MYL7: variants seen among roughly 807,000 people sequenced by gnomAD.
MYL7 encodes myosin light chain 7.
In MYL7, 27 loss-of-function variants were observed where a neutral mutation model predicts 22.5. The ratio of observed to expected loss-of-function variants is 1.20; its 90% CI spans 0.89 to 1.66. The LOEUF (loss-of-function observed/expected upper bound fraction) is 1.66, where lower values mean the gene tolerates loss of function less well. Ranked by LOEUF, MYL7 falls within the 40% of genes most tolerant of loss-of-function variation. The pLI is 0.00. For missense variants in MYL7, 209 were observed against 226.8 expected, an observed-to-expected ratio of 0.92 and a Z score of 0.50; for synonymous variants, 81 against 84.4, an observed-to-expected ratio of 0.96 and a Z score of 0.22.
chr7:44,139,397 T>G, intron 6 of MYL7, 124 bp downstream of exon 6: 1 of 1,079,710 alleles, frequency 9.3e-7, no homozygotes, highest in Non-Finnish European at 1.4e-6. Context: ...AGATGGCACC[T>G]CCTCCAGAAG....
chr7:44,141,060 C>T lies in MYL7; in HGVS notation c.18G>A (p.Ala6=), dbSNP rs200585522. MASRK[A]GTRGKVAATK... ...TGGCTGCCACCTTGCCCCGGGTCCC[C>T]GCCTTCCTGCTGGCCTGCAACACTG... The change falls in exon 2 of 7, where the codon GCG becomes GCA. Residue 6 remains alanine (A), a synonymous_variant. Transcript: ENST00000223364. 339 of 1,613,848 alleles carry T rather than the reference C, an allele frequency of 2.1e-4. No individual in the cohort carries two copies. The highest frequency in any genetic ancestry group is 8.8e-5 in the South Asian group (8 of 91,088).
In MYL7 at chr7:44,139,787, C is replaced by T. The variant is rs1355757497; in HGVS notation, c.372G>A (p.Lys124=). 1.2e-6 allele frequency: 2 copies of T among 1,612,778 alleles called. No individual in the cohort carries two copies. The highest frequency in any genetic ancestry group is 1.7e-5 in the Admixed American group (1 of 59,644). ...FDPSGKGVVN[K]DEFKQLLLTQ... is the part of the protein sequence containing the mutation. ...CTGGCTGGGCCCATACTTACTCATC[C>T]TTGTTCACCACCCCTTTGCCGCTGG... The change falls in exon 5 of 7, where the codon AAG becomes AAA. Residue 124 remains lysine (K), a synonymous_variant. Transcript: ENST00000223364.
intron 2 of MYL7, 58 bp downstream of exon 2, chr7:44,140,903 G>A: frequency 1.3e-6 from 2 of 1,542,852 alleles, no homozygotes; most frequent in South Asian, 1.1e-5. Flanking sequence ...GGGTATGTAT[G>A]TGGGGTGGGG....
Position 44,140,406 on chromosome 7 carries a change from T to C in MYL7, c.215A>G (p.Glu72Gly), listed in dbSNP as rs775697077. 1.4e-5 allele frequency: 23 copies of C among 1,613,576 alleles called. No homozygotes were observed. ...CTCTTGCAGCATGGCGTCCAGCTCC[T>C]CCTCTGGGACACTCACCTTCCCTGG... ...SQLGKVSVPE[E>G]ELDAMLQEGK... Residue 72 changes from glutamate to glycine, a missense_variant, in exon 4 of 7, where the codon GAG becomes GGG. Glu to Gly is a moderately conservative substitution (Grantham distance 98, BLOSUM62 -2). Coordinates refer to ENST00000223364, the MANE Select transcript of MYL7 (RefSeq NM_021223.3).
At chr7:44,139,889 TC>T in intron 4 of MYL7, 29 bp from the exon 5 acceptor site, 2 of 1,579,116 alleles carry the variant, frequency 1.3e-6, no homozygotes, top group Non-Finnish European at 1.7e-6. Flanking sequence ...CAGGTGAGCA[TC>T]CATGTCTCCA....
chr7:44,139,549 G>A lies in MYL7; in HGVS notation c.398C>T (p.Thr133Ile), dbSNP rs760067597. The change falls in exon 6 of 7, where the codon ACC (threonine) becomes ATC (isoleucine). Residue 133 changes from threonine (T) to isoleucine (I), a missense_variant. Transcript: ENST00000223364. ...NKDEFKQLLL[T>I]QADKFSPAEV... is the part of the protein sequence containing the mutation. The stretch of plus-strand genomic sequence containing the variant: ...AGCTGGAGAGAACTTGTCTGCCTGG[G>A]TCAGGAGAAGCTGCTTGAACCTGGG... The A allele has an allele frequency of 2.5e-6, 4 of 1,611,000 alleles. No individual in the cohort carries two copies. Among genetic ancestry groups the A allele is most frequent in the Non-Finnish European group, 3.4e-6 (4 of 1,178,478 alleles).
At chr7:44,140,577 G>T in intron 3 of MYL7, 135 bp downstream of exon 3, 1 of 1,147,284 alleles carries the variant, frequency 8.7e-7, no homozygotes, top group Non-Finnish European at 1.2e-6. Context: ...GCGTGACAAG[G>T]GGGGAAGGGC....
rs201572348 is a variant in MYL7 at position 44,141,327 on chromosome 7, G to A, written c.-22C>T. 1.2e-6 allele frequency: 2 copies of A among 1,610,872 alleles called. No homozygotes were observed. Among genetic ancestry groups the A allele is most frequent in the East Asian group, 2.2e-5 (1 of 44,872 alleles). The stretch of plus-strand genomic sequence containing the variant: ...CCATTCTCTCTGCAGAGGTGTGGCT[G>A]CTGTCGTGGTGGCAGGGCCCAGCCT... On this transcript the variant is annotated 5_prime_UTR_variant, in exon 1 of 7. Coordinates refer to ENST00000223364, the MANE Select transcript of MYL7 (RefSeq NM_021223.3).
At position 44,141,065 on chromosome 7, in the gene MYL7, T is replaced by TCC; in HGVS notation, c.11_12dup (p.Lys5GlyfsTer54). 6.2e-7 allele frequency: 1 copy of TCC among 1,613,920 alleles called. No individual in the cohort carries two copies. On this transcript the variant is annotated frameshift_variant, in exon 2 of 7. Coordinates refer to ENST00000223364, the MANE Select transcript of MYL7 (RefSeq NM_021223.3). LOFTEE classifies it high-confidence loss of function. ...GCCACCTTGCCCCGGGTCCCCGCCT[T>TCC]CCTGCTGGCCTGCAACACTGTGAGT...
chr7:44,139,827 A>C lies in MYL7; in HGVS notation c.332T>G (p.Phe111Cys). ...TDPEEAILSA[F>C]RMFDPSGKGV... Reference sequence around the variant, plus strand: ...TTTGCCGCTGGGGTCAAACATGCGGAAGGCACTCAGGATGGCTTCCTCGGG... The same window carrying C: ...TTTGCCGCTGGGGTCAAACATGCGGCAGGCACTCAGGATGGCTTCCTCGGG... The change falls in exon 5 of 7, where the codon TTC (phenylalanine) becomes TGC (cysteine). Residue 111 changes from phenylalanine to cysteine, a missense_variant. By Grantham distance (205) the Phe-to-Cys change is radical. Coordinates refer to ENST00000223364, the MANE Select transcript of MYL7 (RefSeq NM_021223.3). The C allele has an allele frequency of 6.2e-7, 1 of 1,611,664 alleles. No homozygotes were observed. The highest frequency in any genetic ancestry group is 2.2e-5 in the East Asian group (1 of 44,842).
At position 44,138,896 on chromosome 7, in the gene MYL7, C is replaced by T. The variant is rs746441654; in HGVS notation, c.*25G>A. The T allele has an allele frequency of 1.3e-6, 2 of 1,584,974 alleles. No homozygotes were observed. The highest frequency in any genetic ancestry group is 2.2e-5 in the East Asian group (1 of 44,728). On this transcript the variant is annotated 3_prime_UTR_variant, in exon 7 of 7. Coordinates refer to ENST00000223364, the MANE Select transcript of MYL7 (RefSeq NM_021223.3). ...TTTGCAACAGAGTTTATTGAGGTGCCCCCCCGTGGGCCTGGCCCTGCCCCT... is the reference window on the plus strand; with the variant it reads ...TTTGCAACAGAGTTTATTGAGGTGCTCCCCCGTGGGCCTGGCCCTGCCCCT...
chr7:44,138,956 A>G lies in MYL7; in HGVS notation c.493T>C (p.Tyr165His), dbSNP rs767914262. 21 of 1,613,910 alleles carry G rather than the reference A, an allele frequency of 1.3e-5. No individual in the cohort carries two copies. Among genetic ancestry groups the G allele is most frequent in the Non-Finnish European group, 1.6e-5 (19 of 1,179,978 alleles). Residue 165 changes from tyrosine (Y) to histidine (H), a missense_variant, in exon 7 of 7, where the codon TAC (tyrosine) becomes CAC (histidine). Coordinates refer to ENST00000223364, the MANE Select transcript of MYL7 (RefSeq NM_021223.3). ...AGNIDYKSLC[Y>H]IITHGDEKEE Reference sequence around the variant, plus strand: ...TTCTCGTCTCCATGGGTGATGATGTAGCACAGTGACTTGTAGTCGATGTTC... The same window carrying G: ...TTCTCGTCTCCATGGGTGATGATGTGGCACAGTGACTTGTAGTCGATGTTC...
intron 6 of MYL7, 146 bp downstream of exon 6, chr7:44,139,375 A>G: frequency 1.1e-6 from 1 of 906,666 alleles, no homozygotes; most frequent in Non-Finnish European, 1.8e-6. Context: ...TTTACCCTCT[A>G]GGTCTCAACA....
At chr7:44,140,221 C>T in intron 4 of MYL7, 102 bp downstream of exon 4, 1 of 952,786 alleles carries the variant, frequency 1.0e-6, no homozygotes, top group South Asian at 1.4e-5. Context: ...AGGTGGGGTT[C>T]ATGTAAGGTT....
rs552633478 is a variant in MYL7 at position 44,139,459 on chromosome 7, T to A, written c.426+62A>T. 11 of 1,567,538 alleles carry A rather than the reference T, an allele frequency of 7.0e-6. No individual in the cohort carries two copies. The African/African-American group carries it at 1.1e-4, about 15-fold the overall frequency. On this transcript the variant is annotated intron_variant, in intron 6 of 6. Coordinates refer to ENST00000223364, the MANE Select transcript of MYL7 (RefSeq NM_021223.3). ...TGCCTCACTGGTACTGGGCTCTGGGTCATGGGTGAAGGCCCAGAGAAGGTG... is the reference window on the plus strand; with the variant it reads ...TGCCTCACTGGTACTGGGCTCTGGGACATGGGTGAAGGCCCAGAGAAGGTG...
chr7:44,140,227 AGGTTCAGGTGG>A, intron 4 of MYL7, 85 bp downstream of exon 4: 1 of 1,010,610 alleles, frequency 9.9e-7, no homozygotes, highest in Non-Finnish European at 1.5e-6. Flanking sequence ...GGTTCATGTA[AGGTTCAGGTGG>A]GGTTCAGGCA....
At position 44,140,970 on chromosome 7, in the gene MYL7, C is replaced by T. The variant is rs1214247907; in HGVS notation, c.108G>A (p.Glu36=). ...FSMFEQAQIQ[E]FKEAFSCIDQ... is the part of the protein sequence containing the mutation. ...GGGAGTGGGCACTCACTTCTTTGAA[C>T]TCCTGTATCTGGGCTTGTTCAAACA... Residue 36 remains glutamate, a synonymous_variant, in exon 2 of 7, where the codon GAG becomes GAA. Coordinates refer to ENST00000223364, the MANE Select transcript of MYL7 (RefSeq NM_021223.3). 3 of 1,613,816 alleles carry T rather than the reference C, an allele frequency of 1.9e-6. No individual in the cohort carries two copies. The highest frequency in any genetic ancestry group is 2.5e-6 in the Non-Finnish European group (3 of 1,179,896).
chr7:44,140,825 G>C (rs780734487), intron 2 of MYL7, 38 bp from the exon 3 acceptor site: 2 of 1,605,596 alleles, frequency 1.2e-6, no homozygotes, highest in Non-Finnish European at 1.7e-6. Flanking sequence ...GCAGCCCCCA[G>C]CTCTAGGGAA....
rs1463798683 is a variant in MYL7, at chr7:44,140,996, T to G, written c.82A>C (p.Met28Leu). ...AQRGSSNVFS[M>L]FEQAQIQEFK... The stretch of plus-strand genomic sequence containing the variant: ...TCCTGTATCTGGGCTTGTTCAAACA[T>G]GGAAAAGACGTTGGAAGAACCACGT... The change falls in exon 2 of 7, where the codon ATG becomes CTG. Residue 28 changes from methionine (M) to leucine (L), a missense_variant. Met to Leu is a conservative substitution (Grantham distance 15). Coordinates refer to ENST00000223364, the MANE Select transcript of MYL7 (RefSeq NM_021223.3). 6.2e-7 allele frequency: 1 copy of G among 1,613,776 alleles called. No homozygotes were observed. The highest frequency in any genetic ancestry group is 1.7e-5 in the Admixed American group (1 of 59,982).
Sources: gnomAD v4.1 joint callset for allele counts on GRCh38, gnomAD v4.1.1 for gene constraint, MANE v1.5 for transcripts, NCBI Gene and HGNC (gene_info 2026-07-23, HGNC 2026-07-21) for gene names.